Variants in OR4K2 observed in about 807,000 individuals in gnomAD.
OR4K2 encodes the protein olfactory receptor 4K2.
OR4K2 carries 8 observed loss-of-function variants against 10.5 expected under a neutral mutation model. That is an observed-to-expected ratio of 0.76 (90% CI 0.45 to 1.37). OR4K2 has a LOEUF of 1.37. Ranked by LOEUF, OR4K2 falls within the 40% of genes most tolerant of loss-of-function variation. The pLI is 0.00. For synonymous variants in OR4K2, 178 were observed against 133.6 expected (o/e 1.33, Z -2.29); for missense variants, 547 against 379.5 (o/e 1.44, Z -3.67).
rs1340348511 is a variant in OR4K2 at position 19,877,401 on chromosome 14, A to G, written c.*189A>G. The G allele has an allele frequency of 9.7e-6, 5 of 514,412 alleles. No homozygotes were observed. The highest frequency in any genetic ancestry group is 7.5e-5 in the South Asian group (3 of 39,820). 31.9% of individuals were successfully genotyped at this position (514,412 alleles called of 1,614,324 possible). On this transcript the variant is annotated 3_prime_UTR_variant, in exon 2 of 2. Transcript: ENST00000641885. ...GAAAAGCAAGTTAAAAGAAATAAAG[A>G]CTATAAAAATGTCAGGAGTGACAGT...
Position 19,876,751 on chromosome 14 carries a change from T to C in OR4K2, c.484T>C (p.Phe162Leu). 1 of 1,614,226 alleles carries C rather than the reference T, an allele frequency of 6.2e-7. No homozygotes were observed. The highest frequency in any genetic ancestry group is 8.5e-7 in the Non-Finnish European group (1 of 1,180,016). ...TATGCATTCAATGAGTCAGGTCATATTTGCCCTCACGTTACCATTCTGTGG... is the reference window on the plus strand; with the variant it reads ...TATGCATTCAATGAGTCAGGTCATACTTGCCCTCACGTTACCATTCTGTGG... ...GVMHSMSQVI[F>L]ALTLPFCGPY... Residue 162 changes from phenylalanine to leucine, a missense_variant, in exon 2 of 2, where the codon TTT becomes CTT. Physicochemically the swap from Phe to Leu is conservative, Grantham distance 22. Coordinates refer to ENST00000641885, the MANE Select transcript of OR4K2 (RefSeq NM_001005501.2).
In OR4K2 at chr14:19,881,809, AAAG is replaced by A. The variant is rs1275343052; in HGVS notation, c.*4598_*4600del. On this transcript the variant is annotated 3_prime_UTR_variant, in exon 2 of 2. Coordinates refer to ENST00000641885, the MANE Select transcript of OR4K2 (RefSeq NM_001005501.2). ...ACTTGCCACCTGTTAAAGAAAATTTAAAGGAGAGATTTTTTTTTTTAGTTTGAG... is the reference window on the plus strand; with the variant it reads ...ACTTGCCACCTGTTAAAGAAAATTTAGAGAGATTTTTTTTTTTAGTTTGAG... 6.6e-6 allele frequency: 1 copy of A among 151,944 alleles called. No individual in the cohort carries two copies. Among genetic ancestry groups the A allele is most frequent in the African/African-American group, 2.4e-5 (1 of 41,430 alleles). 9.4% of individuals were successfully genotyped at this position (151,944 alleles called of 1,614,324 possible).
At position 19,881,189 on chromosome 14, in the gene OR4K2, G is replaced by C. The variant is rs1048814167; in HGVS notation, c.*3977G>C. On this transcript the variant is annotated 3_prime_UTR_variant, in exon 2 of 2. Transcript: ENST00000641885. ...TGGATGTATATGTCAATTGAAAAAC[G>C]GGGAGAAGAAAACAGCCAGGGAAAT... The C allele has an allele frequency of 6.6e-6, 1 of 152,224 alleles. No homozygotes were observed. The highest frequency in any genetic ancestry group is 1.5e-5 in the Non-Finnish European group (1 of 68,048). 9.4% of individuals were successfully genotyped at this position (152,224 alleles called of 1,614,324 possible).
Position 19,876,703 on chromosome 14 carries a change from G to A in OR4K2, c.436G>A (p.Val146Met). The stretch of plus-strand genomic sequence containing the variant: ...TCCCCAGGTGTGTGTTGCTCTCGTG[G>A]TGGCTTCCTGGATTATGGGAGTTAT... ...ISPQVCVALVVASWIMGVMHS... is the reference protein window; with the variant it reads ...ISPQVCVALVMASWIMGVMHS... Residue 146 changes from valine to methionine, a missense_variant, in exon 2 of 2, where the codon GTG becomes ATG. Val to Met is a conservative substitution (Grantham distance 21). Transcript: ENST00000641885. The A allele has an allele frequency of 6.2e-7, 1 of 1,614,150 alleles. No homozygotes were observed. Among genetic ancestry groups the A allele is most frequent in the Non-Finnish European group, 8.5e-7 (1 of 1,179,992 alleles).
At position 19,875,525 on chromosome 14, in the gene OR4K2, G is replaced by A. The variant is rs1377236347; in HGVS notation, c.-633G>A. The A allele has an allele frequency of 6.6e-6, 1 of 152,148 alleles. No individual in the cohort carries two copies. The highest frequency in any genetic ancestry group is 1.5e-5 in the Non-Finnish European group (1 of 68,006). 9.4% of individuals were successfully genotyped at this position (152,148 alleles called of 1,614,324 possible). A position where few individuals can be genotyped will look rare whatever the true frequency, so the allele number is the denominator to read the frequency against. On this transcript the variant is annotated 5_prime_UTR_variant, in exon 1 of 2. Transcript: ENST00000641885. ...TTGTGATATAAAATTTTAAATCATA[G>A]AATTATAAATATTTATAAGGAACAC...
In OR4K2 at chr14:19,879,579, A is replaced by G. The variant is rs1443431407; in HGVS notation, c.*2367A>G. On this transcript the variant is annotated 3_prime_UTR_variant, in exon 2 of 2. Coordinates refer to ENST00000641885, the MANE Select transcript of OR4K2 (RefSeq NM_001005501.2). ...GAAGAGTGTGTTGACAAGCAACTTC[A>G]TCTTCCTCTACGTGTTTAGGAAGCT... 1.3e-5 allele frequency: 2 copies of G among 152,268 alleles called. No homozygotes were observed. Among genetic ancestry groups the G allele is most frequent in the East Asian group, 1.9e-4 (1 of 5,202 alleles). 9.4% of individuals were successfully genotyped at this position (152,268 alleles called of 1,614,324 possible). A position where few individuals can be genotyped will look rare whatever the true frequency, so the allele number is the denominator to read the frequency against.
chr14:19,875,242 C>G lies in OR4K2; in HGVS notation c.-916C>G, dbSNP rs1346116109. 1 of 152,240 alleles carries G rather than the reference C, an allele frequency of 6.6e-6. No individual in the cohort carries two copies. Among genetic ancestry groups the G allele is most frequent in the Non-Finnish European group, 1.5e-5 (1 of 68,032 alleles). The allele number at this position is 152,240 out of a possible 1,614,324, so 9.4% of individuals were successfully genotyped here. On this transcript the variant is annotated 5_prime_UTR_variant, in exon 1 of 2. Coordinates refer to ENST00000641885, the MANE Select transcript of OR4K2 (RefSeq NM_001005501.2). ...ATTGCCTTCGATGCTCTGTCAGAAG[C>G]CTACTTAACACTGAATAATCTAAAG...
rs774874582 is a variant in OR4K2, at chr14:19,876,818, T to A, written c.551T>A (p.Val184Glu). 6.2e-7 allele frequency: 1 copy of A among 1,614,226 alleles called. No homozygotes were observed. The highest frequency in any genetic ancestry group is 2.2e-5 in the East Asian group (1 of 44,890). Reference protein sequence around the residue: ...VDSFFCDLPVVFQLACVDTYV... With the variant: ...VDSFFCDLPVEFQLACVDTYV... ...AGCTTTTTCTGTGACCTTCCTGTGG[T>A]GTTCCAGTTGGCTTGTGTGGATACT... Residue 184 changes from valine (V) to glutamate (E), a missense_variant, in exon 2 of 2, where the codon GTG (valine) becomes GAG (glutamate). Transcript: ENST00000641885.
Position 19,878,170 on chromosome 14 carries a change from TA to T in OR4K2, c.*959del, listed in dbSNP as rs1880957059. 6.6e-6 allele frequency: 1 copy of T among 152,254 alleles called. No homozygotes were observed. Among genetic ancestry groups the T allele is most frequent in the East Asian group, 1.9e-4 (1 of 5,208 alleles). The allele number at this position is 152,254 out of a possible 1,614,324, so 9.4% of individuals were successfully genotyped here. ...GTACACAAATAGGTTTTATTACTGT[TA>T]TAAATAAATCTGGTAGGTTCAATAT... is the stretch of plus-strand genomic sequence containing the variant. On this transcript the variant is annotated 3_prime_UTR_variant, in exon 2 of 2. Coordinates refer to ENST00000641885, the MANE Select transcript of OR4K2 (RefSeq NM_001005501.2).
In OR4K2 at chr14:19,876,702, G is replaced by T; in HGVS notation, c.435G>T (p.Val145=). 2 of 1,614,008 alleles carry T rather than the reference G, an allele frequency of 1.2e-6. No individual in the cohort carries two copies. The highest frequency in any genetic ancestry group is 1.7e-6 in the Non-Finnish European group (2 of 1,179,950). The change falls in exon 2 of 2, where the codon GTG becomes GTT. Residue 145 remains valine (V), a synonymous_variant. Transcript: ENST00000641885. ...VISPQVCVAL[V]VASWIMGVMH... ...GTCCCCAGGTGTGTGTTGCTCTCGTGGTGGCTTCCTGGATTATGGGAGTTA... is the reference window on the plus strand; with the variant it reads ...GTCCCCAGGTGTGTGTTGCTCTCGTTGTGGCTTCCTGGATTATGGGAGTTA...
In OR4K2 at chr14:19,877,701, C is replaced by T. The variant is rs1880944314; in HGVS notation, c.*489C>T. 1 of 153,820 alleles carries T rather than the reference C, an allele frequency of 6.5e-6. No individual in the cohort carries two copies. The highest frequency in any genetic ancestry group is 2.0e-4 in the South Asian group (1 of 4,974). 9.5% of individuals were successfully genotyped at this position (153,820 alleles called of 1,614,324 possible). On this transcript the variant is annotated 3_prime_UTR_variant, in exon 2 of 2. Transcript: ENST00000641885. Reference sequence around the variant, plus strand: ...AAGCCACTCCTACTTAACATTTAAACCAATTTGTGATCTCTTCTATTAAAG... The same window carrying T: ...AAGCCACTCCTACTTAACATTTAAATCAATTTGTGATCTCTTCTATTAAAG...
rs1880884357 is a variant in OR4K2 at position 19,876,008 on chromosome 14, G to C, written c.-150G>C. 6.9e-6 allele frequency: 3 copies of C among 435,136 alleles called. No homozygotes were observed. Among genetic ancestry groups the C allele is most frequent in the Non-Finnish European group, 1.2e-5 (3 of 245,330 alleles). 27.0% of individuals were successfully genotyped at this position (435,136 alleles called of 1,614,324 possible). ...TATTATCTTGGTTGGATTGCCATTA[G>C]TATCAGAAAAGAAAGTGTTCTTTTC... On this transcript the variant is annotated 5_prime_UTR_variant, in exon 1 of 2. It removes the in-frame stop codon of an upstream open reading frame in the 5' UTR. Transcript: ENST00000641885.
At position 19,876,422 on chromosome 14, in the gene OR4K2, A is replaced by G. The variant is rs767134428; in HGVS notation, c.155A>G (p.Asp52Gly). The G allele has an allele frequency of 4.3e-6, 7 of 1,613,906 alleles. No homozygotes were observed. In the Admixed American group the frequency reaches 1.0e-4, roughly 23 times the overall value. The change falls in exon 2 of 2, where the codon GAC becomes GGC. Residue 52 changes from aspartate (D) to glycine (G), a missense_variant. Coordinates refer to ENST00000641885, the MANE Select transcript of OR4K2 (RefSeq NM_001005501.2). ...NSLIVITVIV[D>G]PHLHSPMYFL... ...CTCATAGTCATCACAGTTATAGTGG[A>G]CCCTCACCTACACTCTCCTATGTAT...
Position 19,876,422 on chromosome 14 carries a change from A to C in OR4K2, c.155A>C (p.Asp52Ala), listed in dbSNP as rs767134428. The change falls in exon 2 of 2, where the codon GAC becomes GCC. Residue 52 changes from aspartate (D) to alanine (A), a missense_variant. Coordinates refer to ENST00000641885, the MANE Select transcript of OR4K2 (RefSeq NM_001005501.2). Reference protein sequence around the residue: ...NSLIVITVIVDPHLHSPMYFL... With the variant: ...NSLIVITVIVAPHLHSPMYFL... ...CTCATAGTCATCACAGTTATAGTGG[A>C]CCCTCACCTACACTCTCCTATGTAT... The C allele has an allele frequency of 6.2e-7, 1 of 1,614,022 alleles. No homozygotes were observed. The highest frequency in any genetic ancestry group is 8.5e-7 in the Non-Finnish European group (1 of 1,179,938).
In OR4K2 at chr14:19,881,475, A is replaced by G. The variant is rs986972394; in HGVS notation, c.*4263A>G. The G allele has an allele frequency of 3.3e-5, 5 of 151,950 alleles. No individual in the cohort carries two copies. Among genetic ancestry groups the G allele is most frequent in the African/African-American group, 1.2e-4 (5 of 41,340 alleles). 9.4% of individuals were successfully genotyped at this position (151,950 alleles called of 1,614,324 possible). On this transcript the variant is annotated 3_prime_UTR_variant, in exon 2 of 2. Transcript: ENST00000641885. Reference sequence around the variant, plus strand: ...TTGTTGCTAATATAACTCAATTGACATGTTATTTTTTCTCTTTGATTTTTG... The same window carrying G: ...TTGTTGCTAATATAACTCAATTGACGTGTTATTTTTTCTCTTTGATTTTTG...
At position 19,876,745 on chromosome 14, in the gene OR4K2, G is replaced by A. The variant is rs755329715; in HGVS notation, c.478G>A (p.Val160Ile). 21 of 1,614,188 alleles carry A rather than the reference G, an allele frequency of 1.3e-5. No homozygotes were observed. The highest frequency in any genetic ancestry group is 1.8e-5 in the Non-Finnish European group (21 of 1,179,996). Residue 160 changes from valine (V) to isoleucine (I), a missense_variant, in exon 2 of 2, where the codon GTC becomes ATC. Physicochemically the swap from Val to Ile is conservative, Grantham distance 29. Coordinates refer to ENST00000641885, the MANE Select transcript of OR4K2 (RefSeq NM_001005501.2). ...GGGAGTTATGCATTCAATGAGTCAG[G>A]TCATATTTGCCCTCACGTTACCATT... Reference protein sequence around the residue: ...IMGVMHSMSQVIFALTLPFCG... With the variant: ...IMGVMHSMSQIIFALTLPFCG...
Position 19,876,496 on chromosome 14 carries a change from GC to G in OR4K2, c.231del (p.Thr78ProfsTer4). 6.2e-7 allele frequency: 1 copy of G among 1,613,884 alleles called. No individual in the cohort carries two copies. The highest frequency in any genetic ancestry group is 8.5e-7 in the Non-Finnish European group (1 of 1,179,932). ...SIIDMSLASF[A>X]TPKMITDYLT... Reference sequence around the variant, plus strand: ...CATTGATATGTCTCTTGCTTCTTTCGCCACCCCAAAGATGATTACAGATTAC... The same window carrying G: ...CATTGATATGTCTCTTGCTTCTTTCGCACCCCAAAGATGATTACAGATTAC... On this transcript the variant is annotated frameshift_variant, in exon 2 of 2. Transcript: ENST00000641885. LOFTEE classifies it high-confidence loss of function.
In OR4K2 at chr14:19,876,594, A is replaced by T. The variant is rs1880907980; in HGVS notation, c.327A>T (p.Gly109=). ...TQIFFLHLFT[G]TEIILLMAMS... is the part of the protein sequence containing the mutation. ...TATTCTTTCTCCACCTTTTCACTGG[A>T]ACTGAGATCATCTTACTCATGGCCA... The change falls in exon 2 of 2, where the codon GGA becomes GGT. Residue 109 remains glycine (G), a synonymous_variant. Coordinates refer to ENST00000641885, the MANE Select transcript of OR4K2 (RefSeq NM_001005501.2). 4 of 1,614,090 alleles carry T rather than the reference A, an allele frequency of 2.5e-6. No homozygotes were observed. Among genetic ancestry groups the T allele is most frequent in the Non-Finnish European group, 2.5e-6 (3 of 1,180,020 alleles).
rs2061946854 is a variant in OR4K2 at position 19,883,925 on chromosome 14, G to A, written c.*6713G>A. ...CACATTTCACACATGGAGAAAAAAAGTCTGCACTTATAAAGCAATTATGCT... is the reference window on the plus strand; with the variant it reads ...CACATTTCACACATGGAGAAAAAAAATCTGCACTTATAAAGCAATTATGCT... On this transcript the variant is annotated 3_prime_UTR_variant, in exon 2 of 2. Coordinates refer to ENST00000641885, the MANE Select transcript of OR4K2 (RefSeq NM_001005501.2). The A allele has an allele frequency of 6.6e-6, 1 of 152,222 alleles. No homozygotes were observed. The allele number at this position is 152,222 out of a possible 1,614,324, so 9.4% of individuals were successfully genotyped here.
Sources: allele counts gnomAD v4.1 joint callset, GRCh38; gene constraint gnomAD v4.1.1; transcripts MANE v1.5; gene names NCBI Gene and HGNC (gene_info 2026-07-23, HGNC 2026-07-21).